Variants in DTL observed in about 807,000 individuals in gnomAD.
DTL encodes denticleless E3 ubiquitin protein ligase adapter.
Under a neutral mutation model 87.0 loss-of-function variants are expected in DTL, and 46 were observed. That is an observed-to-expected ratio of 0.53 (90% CI 0.42 to 0.68). The LOEUF is 0.68. Ranked by LOEUF, DTL falls within the 30% of genes least tolerant of loss-of-function variation. The pLI, the probability that DTL is intolerant of heterozygous loss-of-function variation, is 0.00. For synonymous variants in DTL, 308 were observed against 311.2 expected, an observed-to-expected ratio of 0.99 and a Z score of 0.11; for missense variants, 737 against 869.4, an observed-to-expected ratio of 0.85 and a Z score of 1.91.
rs560447598 is a variant in DTL, at chr1:212,060,972, CTATT to C, written c.461-1908_461-1905del. Among the ~76,000 whole-genome samples, 8 of 152,186 alleles carry C rather than the reference CTATT, an allele frequency of 5.3e-5. No individual in the cohort carries two copies. The South Asian group carries it at 1.4e-3, about 28-fold the overall frequency. On this transcript the variant is annotated intron_variant, in intron 5 of 14. Transcript: ENST00000366991. ...TTTTTGAATGGGAAGTATTTGCAAA[CTATT>C]TATCTGATAAGGGAATAATATGTAG...
Position 212,100,805 on chromosome 1 carries a change from T to C in DTL, c.1815T>C (p.Pro605=). ...ACCTTAGTAAGGACTCTCTAGGTCCTACCAAATCAAGCAAAATTGAAGGAG... is the reference window on the plus strand; with the variant it reads ...ACCTTAGTAAGGACTCTCTAGGTCCCACCAAATCAAGCAAAATTGAAGGAG... ...QEDLSKDSLG[P]TKSSKIEGAG... is the part of the protein sequence containing the mutation. The change falls in exon 14 of 15, where the codon CCT becomes CCC. Residue 605 remains proline, a synonymous_variant. Transcript: ENST00000366991. The C allele has an allele frequency of 6.2e-7, 1 of 1,614,162 alleles. No homozygotes were observed. The highest frequency in any genetic ancestry group is 8.5e-7 in the Non-Finnish European group (1 of 1,180,014).
intron 10 of DTL, among the ~76,000 whole-genome samples, chr1:212,069,168 T>C (rs1382155111): frequency 6.6e-6 from 1 of 152,060 alleles, no homozygotes; most frequent in Non-Finnish European, 1.5e-5. Flanking sequence ...CCTTTTTTTT[T>C]TCCTCAAAAC....
chr1:212,058,965 C>A (rs1358820118), intron 5 of DTL, among the ~76,000 whole-genome samples: 2 of 152,024 alleles, frequency 1.3e-5, no homozygotes, highest in Non-Finnish European at 2.9e-5. Context: ...CACATGCAAC[C>A]TACCAAGACT....
At chr1:212,054,734 G>A (rs984946428) in intron 5 of DTL, among the ~76,000 whole-genome samples, 4 of 144,950 alleles carry the variant, frequency 2.8e-5, no homozygotes, top group African/African-American at 1.0e-4. Flanking sequence ...GACAGAGGTT[G>A]CAGTGAGCCA....
chr1:212,061,120 A>T (rs191577435), intron 5 of DTL, among the ~76,000 whole-genome samples: 39 of 152,074 alleles, frequency 2.6e-4, no homozygotes, highest in Middle Eastern at 3.4e-3. Flanking sequence ...AAAAAAATTA[A>T]CTGGGCATGG....
intron 5 of DTL, among the ~76,000 whole-genome samples, chr1:212,054,708 G>A (rs1448876475): frequency 6.7e-6 from 1 of 150,334 alleles, no homozygotes. Flanking sequence ...GGCGGGAGAA[G>A]CGCTTGAACC....
At chr1:212,099,864 T>C (rs969353363) in intron 13 of DTL, among the ~76,000 whole-genome samples, 6 of 152,226 alleles carry the variant, frequency 3.9e-5, no homozygotes, top group African/African-American at 1.4e-4. Flanking sequence ...AAATTAGTCC[T>C]GCCTCCTATC....
intron 12 of DTL, among the ~76,000 whole-genome samples, chr1:212,080,137 G>A (rs1654948035): frequency 6.6e-6 from 1 of 152,160 alleles, no homozygotes; most frequent in Admixed American, 6.5e-5. Flanking sequence ...CCTTCTACTT[G>A]TCACAGCCTA....
intron 5 of DTL, among the ~76,000 whole-genome samples, chr1:212,052,643 CAAAAAA>C (rs58890704): frequency 8.6e-3 from 990 of 115,616 alleles, no homozygotes; most frequent in African/African-American, 0.031. Flanking sequence ...GACTCTGCCT[CAAAAAA>C]AAAAAAAAAA....
intron 1 of DTL, among the ~76,000 whole-genome samples, chr1:212,040,810 G>GTCA (rs544916535): frequency 1.5e-3 from 229 of 152,308 alleles, no homozygotes; most frequent in African/African-American, 5.4e-3. Flanking sequence ...TTCATATCCT[G>GTCA]GACAGGTCAG....
intron 13 of DTL, among the ~76,000 whole-genome samples, chr1:212,087,316 G>A (rs888070725): frequency 2.6e-5 from 4 of 152,098 alleles, no homozygotes; most frequent in East Asian, 1.9e-4. Flanking sequence ...TTGGGAGGCC[G>A]AGTGGGTGGA....
intron 8 of DTL, 132 bp downstream of exon 8, chr1:212,067,017 A>G (rs1467360402): frequency 1.4e-6 from 1 of 711,052 alleles, no homozygotes; most frequent in African/African-American, 1.8e-5. Flanking sequence ...CAACTGAGGA[A>G]AGGAGCTATA....
At chr1:212,086,312 A>G (rs1655127805) in intron 13 of DTL, among the ~76,000 whole-genome samples, 1 of 152,212 alleles carries the variant, frequency 6.6e-6, no homozygotes, top group Non-Finnish European at 1.5e-5. Context: ...ATATAAAAGA[A>G]AAGAATCATA....
intron 13 of DTL, among the ~76,000 whole-genome samples, chr1:212,082,368 A>T (rs1371089240): frequency 6.6e-6 from 1 of 152,164 alleles, no homozygotes; most frequent in East Asian, 1.9e-4. Flanking sequence ...GAAAGAAGAG[A>T]AGTGAAGTGG....
At chr1:212,057,966 G>A (rs1253322941) in intron 5 of DTL, among the ~76,000 whole-genome samples, 1 of 152,122 alleles carries the variant, frequency 6.6e-6, no homozygotes, top group African/African-American at 2.4e-5. Context: ...TATGTCAAAA[G>A]CAGTAAGAAG....
chr1:212,102,797 T>C, intron 14 of DTL, 45 bp from the exon 15 acceptor site: 2 of 1,382,718 alleles, frequency 1.4e-6, no homozygotes, highest in Non-Finnish European at 2.1e-6. Context: ...TTAGTAACAG[T>C]TGAACTTCAA....
In DTL at chr1:212,100,992, G is replaced by A; in HGVS notation, c.2002G>A (p.Ala668Thr). ...ENKNWLLAMA[A>T]KRKAENPSPR... ...TAAAAACTGGTTGTTGGCCATGGCA[G>A]CCAAACGGAAGGCTGAGAATCCATC... Residue 668 changes from alanine (A) to threonine (T), a missense_variant, in exon 14 of 15, where the codon GCC becomes ACC. Transcript: ENST00000366991. The A allele has an allele frequency of 1.2e-6, 2 of 1,614,122 alleles. No homozygotes were observed. The highest frequency in any genetic ancestry group is 4.5e-5 in the East Asian group (2 of 44,880).
intron 5 of DTL, among the ~76,000 whole-genome samples, chr1:212,060,757 G>T (rs1424258765): frequency 6.8e-6 from 1 of 146,952 alleles, no homozygotes. Flanking sequence ...AAAAAATCAA[G>T]ATGGAGTATA....
intron 13 of DTL, among the ~76,000 whole-genome samples, chr1:212,090,373 T>C (rs991082702): frequency 6.6e-6 from 1 of 152,218 alleles, no homozygotes; most frequent in Non-Finnish European, 1.5e-5. Context: ...AAAGAGAGAT[T>C]GCATTTTTAT....
Sources: allele counts gnomAD v4.1 joint callset (sites outside exome capture counted in the v4.1 genomes callset), GRCh38; gene constraint gnomAD v4.1.1; transcripts MANE v1.5; gene names NCBI Gene and HGNC (gene_info 2026-07-23, HGNC 2026-07-21).